The following GALNT14 variants were observed in gnomAD, a reference collection of about 807,000 sequenced individuals.
The protein encoded by GALNT14 is polypeptide N-acetylgalactosaminyltransferase 14.
GALNT14 carries 60 observed loss-of-function variants against 77.5 expected under a neutral mutation model. That is an observed-to-expected ratio of 0.77 (90% CI 0.63 to 0.96). The LOEUF is 0.96. GALNT14 is among the 40% of genes least tolerant of loss of function. GALNT14 has a pLI of 0.00. For missense variants in GALNT14, 710 were observed against 731.0 expected, an observed-to-expected ratio of 0.97 and a Z score of 0.33; for synonymous variants, 280 against 281.7, an observed-to-expected ratio of 0.99 and a Z score of 0.06.
At chr2:30,962,779 G>GAAT (rs1667773146) in intron 3 of GALNT14, among the ~76,000 whole-genome samples, 2 of 152,130 alleles carry the variant, frequency 1.3e-5, no homozygotes, top group Non-Finnish European at 2.9e-5. Context: ...AACAAAGCCT[G>GAAT]TCCAGAATTC....
intron 1 of GALNT14, among the ~76,000 whole-genome samples, chr2:31,054,951 G>C (rs72854841): frequency 1.3e-3 from 205 of 152,300 alleles, no homozygotes; most frequent in African/African-American, 4.8e-3. Flanking sequence ...GTTCTCATGG[G>C]AGAGAAGAGA....
chr2:31,060,769 C>A (rs556492828), intron 1 of GALNT14, among the ~76,000 whole-genome samples: 1 of 152,236 alleles, frequency 6.6e-6, no homozygotes, highest in East Asian at 1.9e-4. Context: ...CAGTGAGGGG[C>A]CCGAAGACAG....
At chr2:31,081,384 G>A (rs1249959417) in intron 1 of GALNT14, among the ~76,000 whole-genome samples, 3 of 152,064 alleles carry the variant, frequency 2.0e-5, no homozygotes, top group South Asian at 2.1e-4. Context: ...AAATCATTTC[G>A]GAACTACAAA....
chr2:31,136,536 C>T (rs1002296348), intron 1 of GALNT14, among the ~76,000 whole-genome samples: 18 of 152,272 alleles, frequency 1.2e-4, no homozygotes, highest in Non-Finnish European at 2.4e-4. Context: ...GAACTCCTCT[C>T]CCCCCAGAGA....
intron 1 of GALNT14, among the ~76,000 whole-genome samples, chr2:31,007,357 G>T (rs541416121): frequency 5.8e-4 from 88 of 152,302 alleles, no homozygotes; most frequent in African/African-American, 1.8e-3. Context: ...TGGGATTTAT[G>T]ATGCACTTGC....
chr2:30,971,383 C>T (rs188846782), intron 2 of GALNT14, among the ~76,000 whole-genome samples: 23 of 152,054 alleles, frequency 1.5e-4, no homozygotes, highest in East Asian at 7.8e-4. Flanking sequence ...TGGGGGACAC[C>T]GAAGAGTCTC....
intron 13 of GALNT14, among the ~76,000 whole-genome samples, chr2:30,915,835 A>C (rs1412188674): frequency 6.6e-6 from 1 of 152,206 alleles, no homozygotes; most frequent in Non-Finnish European, 1.5e-5. Flanking sequence ...TAAATGTTAA[A>C]GGCTGAAAGG....
intron 1 of GALNT14, among the ~76,000 whole-genome samples, chr2:31,073,460 C>T (rs1018198106): frequency 2.9e-5 from 4 of 136,410 alleles, no homozygotes; most frequent in African/African-American, 1.1e-4. Flanking sequence ...TCTACTATGA[C>T]AAAAATTAAA....
the GALNT14 span, among the ~76,000 whole-genome samples, chr2:30,889,822 G>A: frequency 6.6e-6 from 1 of 152,150 alleles, no homozygotes; most frequent in African/African-American, 2.4e-5. Context: ...TGAAGGGCAG[G>A]AGTATGGCTG....
chr2:31,117,297 A>G (rs1321918436), intron 1 of GALNT14, among the ~76,000 whole-genome samples: 1 of 152,220 alleles, frequency 6.6e-6, no homozygotes, highest in Non-Finnish European at 1.5e-5. Context: ...AAAATTAAAA[A>G]TATAAATAGT....
chr2:30,994,305 C>T (rs1669891144), intron 1 of GALNT14, among the ~76,000 whole-genome samples: 4 of 152,164 alleles, frequency 2.6e-5, no homozygotes, highest in Middle Eastern at 3.2e-3. Flanking sequence ...GAGTAGAATG[C>T]ACCTCCTGCA....
At chr2:30,955,232 G>C (rs993677240) in intron 6 of GALNT14, among the ~76,000 whole-genome samples, 2 of 152,158 alleles carry the variant, frequency 1.3e-5, no homozygotes, top group Non-Finnish European at 2.9e-5. Context: ...ATGAAGCCTG[G>C]TTAAGTTTGC....
At chr2:31,135,712 A>T (rs1679200086) in intron 1 of GALNT14, among the ~76,000 whole-genome samples, 1 of 152,100 alleles carries the variant, frequency 6.6e-6, no homozygotes, top group Non-Finnish European at 1.5e-5. Context: ...CTGCTACTAA[A>T]CCACTCCCCA....
chr2:30,911,068 A>G lies in GALNT14; in HGVS notation c.1501-9T>C, dbSNP rs756741132. ...CCAGTTTTGGTCCATTGCTGGTAAG[A>G]CAAAGAAGAGAGTGAATGAACTAGG... On this transcript the variant is annotated splice_polypyrimidine_tract_variant and intron_variant, in intron 14 of 14. Transcript: ENST00000349752. 3.7e-6 allele frequency: 6 copies of G among 1,613,048 alleles called. No homozygotes were observed. The highest frequency in any genetic ancestry group is 1.7e-5 in the Admixed American group (1 of 59,890).
the GALNT14 span, among the ~76,000 whole-genome samples, chr2:30,896,095 T>G: frequency 2.0e-5 from 3 of 152,198 alleles, no homozygotes; most frequent in Non-Finnish European, 4.4e-5. Context: ...CTGCTCGCAG[T>G]AAATAAAAGA....
rs768293986 is a variant in GALNT14 at position 30,924,284 on chromosome 2, G to T, written c.1236-21C>A. 3.7e-6 allele frequency: 6 copies of T among 1,613,554 alleles called. No homozygotes were observed. In the Admixed American group the frequency reaches 1.0e-4, roughly 27 times the overall value. On this transcript the variant is annotated intron_variant, in intron 12 of 14. Transcript: ENST00000349752. The stretch of plus-strand genomic sequence containing the variant: ...GGATGCTGGAGGAGAGTCACAGGGA[G>T]AGAGGAGAGTCCACTGCTCATTGGA...
intron 1 of GALNT14, among the ~76,000 whole-genome samples, chr2:31,077,916 CCA>C (rs1248977927): frequency 2.0e-5 from 3 of 152,180 alleles, no homozygotes; most frequent in African/African-American, 7.2e-5. Context: ...CATGTTGTGT[CCA>C]CAGAGGAATG....
chr2:30,962,729 G>A (rs2148334194), intron 3 of GALNT14, among the ~76,000 whole-genome samples: 1 of 152,282 alleles, frequency 6.6e-6, no homozygotes, highest in East Asian at 1.9e-4. Flanking sequence ...GAGCTTAGGG[G>A]GCCAGAGGGT....
At chr2:31,093,864 C>T (rs1013592651) in intron 1 of GALNT14, among the ~76,000 whole-genome samples, 11 of 152,232 alleles carry the variant, frequency 7.2e-5, no homozygotes, top group Non-Finnish European at 1.5e-5. Context: ...CCAAGTCCTA[C>T]ACTGAAGTAC....
Sources: gnomAD v4.1 joint callset for allele counts (sites outside exome capture counted in the v4.1 genomes callset) on GRCh38, gnomAD v4.1.1 for gene constraint, MANE v1.5 for transcripts, NCBI Gene and HGNC (gene_info 2026-07-23, HGNC 2026-07-21) for gene names.